Variants in MTAP observed in about 807,000 individuals in gnomAD.
The protein encoded by MTAP is methylthioadenosine phosphorylase.
A neutral mutation model predicts 33.6 loss-of-function variants in MTAP; 33 were observed. The ratio of observed to expected loss-of-function variants is 0.98; its 90% confidence interval spans 0.74 to 1.31. MTAP has a LOEUF of 1.31. Ranked by LOEUF, MTAP falls within the 40% of genes most tolerant of loss-of-function variation. The pLI is 0.00. For missense variants in MTAP, 367 were observed against 360.0 expected (o/e 1.02, Z -0.16); for synonymous variants, 148 against 125.7 (o/e 1.18, Z -1.19).
chr9:21,803,063 A>C lies in MTAP; in HGVS notation c.33+282A>C, dbSNP rs1587187450. Reference sequence around the variant, plus strand: ...CACCTTTTGGCTTATCTGCACCCGCACCCTGTAGGGCGTAGGCACCCCTTT... The same window carrying C: ...CACCTTTTGGCTTATCTGCACCCGCCCCCTGTAGGGCGTAGGCACCCCTTT... On this transcript the variant is annotated intron_variant, in intron 1 of 7. Transcript: ENST00000644715. 3 of 848,958 alleles carry C rather than the reference A, an allele frequency of 3.5e-6. No individual in the cohort carries two copies. In the East Asian group the frequency reaches 1.0e-4, roughly 29 times the overall value. The allele number at this position is 848,958 out of a possible 1,614,324, so 52.6% of individuals were successfully genotyped here. A position where few individuals can be genotyped will look rare whatever the true frequency, so the allele number is the denominator to read the frequency against.
chr9:21,894,077 TC>T (rs1818246475), intron 1 of MTAP, among the ~76,000 whole-genome samples: 1 of 152,122 alleles, frequency 6.6e-6, no homozygotes. Flanking sequence ...TTATTCTTGT[TC>T]TGCAAGGTTG....
chr9:21,915,374 A>G (rs2131023724), intron 1 of MTAP, among the ~76,000 whole-genome samples: 1 of 152,154 alleles, frequency 6.6e-6, no homozygotes, highest in East Asian at 1.9e-4. Context: ...TACAGGTGTC[A>G]GCCACCCGTG....
downstream of MTAP, chr9:21,935,527 G>A: frequency 6.6e-6 from 1 of 151,816 alleles, no homozygotes; most frequent in Non-Finnish European, 1.5e-5. Flanking sequence ...CATAATGGGT[G>A]AGGGTCACAT....
At chr9:21,886,961 C>T (rs1818121898) in intron 1 of MTAP, among the ~76,000 whole-genome samples, 1 of 151,970 alleles carries the variant, frequency 6.6e-6, no homozygotes, top group Non-Finnish European at 1.5e-5. Context: ...ATTGTTTTTT[C>T]TAGTTCTGTG....
Position 21,897,519 on chromosome 9 carries a change from T to C in MTAP, c.148-33489T>C, listed in dbSNP as rs140205541. On this transcript the variant is annotated intron_variant, in intron 1 of 1. Transcript: ENST00000577563. ...CCCAAAATCTCCTTAAGCTGATAAGTAACTTCAGCAAAGTCTCAGGATACA... is the reference window on the plus strand; with the variant it reads ...CCCAAAATCTCCTTAAGCTGATAAGCAACTTCAGCAAAGTCTCAGGATACA... Among the ~76,000 whole-genome samples, 12 of 152,260 alleles carry C rather than the reference T, an allele frequency of 7.9e-5. No individual in the cohort carries two copies. The East Asian group carries it at 1.9e-3, about 25-fold the overall frequency.
At chr9:21,814,819 C>T (rs1824437369) in intron 1 of MTAP, among the ~76,000 whole-genome samples, 1 of 152,158 alleles carries the variant, frequency 6.6e-6, no homozygotes, top group Non-Finnish European at 1.5e-5. Flanking sequence ...AATTTGCATA[C>T]ATATATGAAT....
At chr9:21,851,635 A>G (rs1347850647) in intron 5 of MTAP, among the ~76,000 whole-genome samples, 1 of 152,032 alleles carries the variant, frequency 6.6e-6, no homozygotes, top group Non-Finnish European at 1.5e-5. Flanking sequence ...GTTAACACTG[A>G]GTGTTAACTT....
intron 1 of MTAP, among the ~76,000 whole-genome samples, chr9:21,896,267 T>G (rs1818291379): frequency 6.6e-6 from 1 of 152,096 alleles, no homozygotes; most frequent in Non-Finnish European, 1.5e-5. Context: ...AAGCAATAAA[T>G]GCCCACAAGA....
chr9:21,803,583 G>C (rs970101733), intron 1 of MTAP, among the ~76,000 whole-genome samples: 9 of 152,204 alleles, frequency 5.9e-5, no homozygotes, highest in Admixed American at 3.3e-4. Context: ...GAGGGCACGA[G>C]TTCTGAGAGT....
chr9:21,856,721 G>A (rs1351276872), intron 6 of MTAP, among the ~76,000 whole-genome samples: 1 of 152,206 alleles, frequency 6.6e-6, no homozygotes, highest in Non-Finnish European at 1.5e-5. Context: ...AAGGCTTGAA[G>A]ACAGTGTTAA....
chr9:21,891,385 C>A (rs1209676057), intron 1 of MTAP, among the ~76,000 whole-genome samples: 1 of 151,972 alleles, frequency 6.6e-6, no homozygotes, highest in Non-Finnish European at 1.5e-5. Flanking sequence ...TCCAAGGAAT[C>A]TAAGGAATAC....
chr9:21,859,310 TG>T lies in MTAP; in HGVS notation c.700del (p.Asp234ThrfsTer4). On this transcript the variant is annotated frameshift_variant, in exon 7 of 8. Coordinates refer to ENST00000644715, the MANE Select transcript of MTAP (RefSeq NM_002451.4). LOFTEE classifies it high-confidence loss of function. ...CWKEHEEAVS[V>X]DRVLKTLKEN... ...GTGCTATTGTTTCTCTAGGTTTCGG[TG>T]GACCGGGTCTTAAAGACCCTGAAAG... is the stretch of plus-strand genomic sequence containing the variant. The T allele has an allele frequency of 6.2e-7, 1 of 1,608,456 alleles. No individual in the cohort carries two copies. The highest frequency in any genetic ancestry group is 8.5e-7 in the Non-Finnish European group (1 of 1,178,300).
chr9:21,918,753 C>T (rs1463380152), intron 1 of MTAP, among the ~76,000 whole-genome samples: 2 of 152,072 alleles, frequency 1.3e-5, no homozygotes, highest in Non-Finnish European at 2.9e-5. Flanking sequence ...GGGGAGTTCC[C>T]CTGCACATGC....
chr9:21,817,888 A>T, intron 3 of MTAP, 147 bp from the exon 4 acceptor site: 1 of 678,404 alleles, frequency 1.5e-6, no homozygotes. Flanking sequence ...TTTTAGTTTT[A>T]GTTGCTCACT....
At chr9:21,821,758 AC>A (rs1319951121) in intron 4 of MTAP, among the ~76,000 whole-genome samples, 2 of 152,028 alleles carry the variant, frequency 1.3e-5, no homozygotes, top group African/African-American at 4.8e-5. Flanking sequence ...CTGGTCCTGG[AC>A]TTTTTTTGGT....
chr9:21,826,211 G>A (rs1824795502), intron 4 of MTAP, among the ~76,000 whole-genome samples: 1 of 147,276 alleles, frequency 6.8e-6, no homozygotes, highest in Admixed American at 6.8e-5. Context: ...TTTAAAGAGA[G>A]TATAAATTAG....
intron 4 of MTAP, among the ~76,000 whole-genome samples, chr9:21,837,527 G>C (rs1353763268): frequency 1.3e-5 from 2 of 152,230 alleles, no homozygotes; most frequent in African/African-American, 4.8e-5. Flanking sequence ...TGGGTGATGT[G>C]TATATGGTGT....
At position 21,876,872 on chromosome 9, in the gene MTAP, T is replaced by TA. The variant is rs111339282; in HGVS notation, c.147+22013dup. On this transcript the variant is annotated intron_variant, in intron 1 of 1. Coordinates refer to the MTAP transcript ENST00000577563. ...GCTCTTTTTTTGGTTCCATGTGAAT[T>TA]AAAAAAAAAAATTTCTGTGAAGAAT... 9.8e-3 allele frequency among the ~76,000 whole-genome samples: 1,456 copies of TA among 149,120 alleles called. 21 individuals carry two copies. Among genetic ancestry groups the TA allele is most frequent in the African/African-American group, 0.032 (1,303 of 40,828 alleles).
intron 1 of MTAP, among the ~76,000 whole-genome samples, chr9:21,913,127 A>G (rs1164146565): frequency 6.6e-6 from 1 of 152,352 alleles, no homozygotes; most frequent in East Asian, 1.9e-4. Context: ...ACGAAATAAA[A>G]GAGGACACAA....
Sources: allele counts gnomAD v4.1 joint callset (sites outside exome capture counted in the v4.1 genomes callset), GRCh38; gene constraint gnomAD v4.1.1; transcripts MANE v1.5; gene names NCBI Gene and HGNC (gene_info 2026-07-23, HGNC 2026-07-21).